Variants in RB1 observed in about 807,000 individuals in gnomAD.
RB1 encodes retinoblastoma-associated protein.
In RB1, 18 loss-of-function variants were observed where a neutral mutation model predicts 135.4. That is an observed-to-expected ratio of 0.13 (90% CI 0.09 to 0.20). RB1 has a LOEUF of 0.20. RB1 is among the 10% of genes least tolerant of loss of function. The pLI is 1.00. For synonymous variants in RB1, 365 were observed against 373.2 expected (o/e 0.98, Z 0.25); for missense variants, 868 against 1,110.0 (o/e 0.78, Z 3.10).
chr13:48,360,333 G>C (rs1952628038), intron 7 of RB1: 1 of 1,127,152 alleles, frequency 8.9e-7, no homozygotes, highest in Admixed American at 3.4e-5. Flanking sequence ...AGTGGTTTGG[G>C]TCAAAATACA....
At chr13:48,357,102 A>G (rs1300093044) in intron 6 of RB1, among the ~76,000 whole-genome samples, 1 of 151,200 alleles carries the variant, frequency 6.6e-6, no homozygotes, top group Non-Finnish European at 1.5e-5. Context: ...TTTTTTTTGA[A>G]CACCGTATCC....
chr13:48,440,064 A>G (rs191001276), intron 17 of RB1, among the ~76,000 whole-genome samples: 1 of 152,224 alleles, frequency 6.6e-6, no homozygotes, highest in Non-Finnish European at 1.5e-5. Flanking sequence ...TTACATTAGA[A>G]TCTGCTTAGG....
chr13:48,471,623 G>A (rs1949471273), intron 23 of RB1, among the ~76,000 whole-genome samples: 1 of 148,618 alleles, frequency 6.7e-6, no homozygotes, highest in Non-Finnish European at 1.5e-5. Flanking sequence ...TACAGATTTA[G>A]TTATCAGCTT....
In RB1 at chr13:48,307,573, G is replaced by A. The variant is rs184321221; in HGVS notation, c.264+167G>A. Among the ~76,000 whole-genome samples, 9 of 152,060 alleles carry A rather than the reference G, an allele frequency of 5.9e-5. No individual in the cohort carries two copies. In the East Asian group the frequency reaches 1.7e-3, roughly 29 times the overall value. On this transcript the variant is annotated intron_variant, in intron 2 of 26. Coordinates refer to ENST00000267163, the MANE Select transcript of RB1 (RefSeq NM_000321.3). ...CTCTGCTAACATTAAAAATGTTTGA[G>A]GCCGGGCACGGTGGTTCATGCCTGT... is the stretch of plus-strand genomic sequence containing the variant.
chr13:48,350,511 A>G (rs1180977474), intron 6 of RB1, among the ~76,000 whole-genome samples: 1 of 152,204 alleles, frequency 6.6e-6, no homozygotes, highest in African/African-American at 2.4e-5. Context: ...TATGGGATAC[A>G]GTAAAAGCAG....
chr13:48,375,974 G>A (rs1468041978), intron 12 of RB1, among the ~76,000 whole-genome samples: 1 of 151,876 alleles, frequency 6.6e-6, no homozygotes, highest in East Asian at 1.9e-4. Flanking sequence ...TGTAGCTGAT[G>A]AGAATCATGC....
chr13:48,375,576 T>A (rs1328297305), intron 12 of RB1, among the ~76,000 whole-genome samples: 1 of 149,784 alleles, frequency 6.7e-6, no homozygotes, highest in Non-Finnish European at 1.5e-5. Flanking sequence ...TTATTTTTAT[T>A]TATATATATA....
chr13:48,449,529 C>A (rs1000719177), intron 17 of RB1, among the ~76,000 whole-genome samples: 2 of 152,138 alleles, frequency 1.3e-5, no homozygotes, highest in Non-Finnish European at 2.9e-5. Context: ...ATTTGTGTAT[C>A]TGCCTTCCAA....
chr13:48,371,024 C>T (rs1952752665), intron 11 of RB1, among the ~76,000 whole-genome samples: 1 of 152,154 alleles, frequency 6.6e-6, no homozygotes, highest in Non-Finnish European at 1.5e-5. Context: ...TTCACAATAT[C>T]ACACAACACA....
intron 11 of RB1, among the ~76,000 whole-genome samples, chr13:48,370,610 A>G (rs1204970038): frequency 6.6e-6 from 1 of 152,210 alleles, no homozygotes; most frequent in Non-Finnish European, 1.5e-5. Context: ...GTAAAGATGC[A>G]TAGGATGAGG....
chr13:48,464,980 T>TTTTTTTTTC lies in RB1; in HGVS notation c.2212-16_2212-15insTTTTTTCTT. 6.7e-7 allele frequency: 1 copy of TTTTTTTTTC among 1,483,408 alleles called. No homozygotes were observed. The highest frequency in any genetic ancestry group is 9.0e-7 in the Non-Finnish European group (1 of 1,108,218). The allele number at this position is 1,483,408 out of a possible 1,614,324, so 91.9% of individuals were successfully genotyped here. On this transcript the variant is annotated splice_polypyrimidine_tract_variant and intron_variant, in intron 21 of 26. Transcript: ENST00000267163. ...TTACTTTTTTTTTTTTTTTTTTTTT[T>TTTTTTTTTC]TTACTGTTCTTCCTCAGACATTCAA... is the stretch of plus-strand genomic sequence containing the variant.
At chr13:48,434,939 T>C (rs902869015) in intron 17 of RB1, among the ~76,000 whole-genome samples, 1 of 152,244 alleles carries the variant, frequency 6.6e-6, no homozygotes, top group Non-Finnish European at 1.5e-5. Flanking sequence ...AGCATGAATG[T>C]ACTACAGTTT....
chr13:48,430,411 C>T (rs1949117004), intron 17 of RB1, among the ~76,000 whole-genome samples: 1 of 152,008 alleles, frequency 6.6e-6, no homozygotes, highest in Non-Finnish European at 1.5e-5. Context: ...AAAATGACTC[C>T]ATATAAGTTC....
At chr13:48,351,056 C>A (rs1952542590) in intron 6 of RB1, among the ~76,000 whole-genome samples, 1 of 152,166 alleles carries the variant, frequency 6.6e-6, no homozygotes, top group Non-Finnish European at 1.5e-5. Context: ...GTGCTTTTGT[C>A]TTTATGGTAG....
intron 2 of RB1, chr13:48,317,356 T>C (rs1566178252): frequency 1.0e-5 from 4 of 381,022 alleles, no homozygotes; most frequent in East Asian, 8.9e-5. Flanking sequence ...CCGCCTCCAC[T>C]CCGCATCTCT....
chr13:48,476,554 CT>C (rs1272441608), intron 24 of RB1, 146 bp from the exon 25 acceptor site: 2 of 776,164 alleles, frequency 2.6e-6, no homozygotes, highest in Non-Finnish European at 4.1e-6. Flanking sequence ...TTTTTCATAT[CT>C]TTTATTTGGT....
rs1258509639 is a variant in RB1, at chr13:48,342,331, C to T, written c.265-268C>T. Among the ~76,000 whole-genome samples the T allele has an allele frequency of 2.6e-5, 4 of 151,712 alleles. No individual in the cohort carries two copies. In the South Asian group the frequency reaches 8.3e-4, roughly 31 times the overall value. ...GAAACTATTTTGAGGAATTGACTGA[C>T]CCCTAAAGTTTCCACAATAACTTAT... is the stretch of plus-strand genomic sequence containing the variant. On this transcript the variant is annotated intron_variant, in intron 2 of 26. Transcript: ENST00000267163.
intron 17 of RB1, among the ~76,000 whole-genome samples, chr13:48,386,970 G>A (rs938867705): frequency 1.3e-5 from 2 of 152,036 alleles, no homozygotes; most frequent in South Asian, 2.1e-4. Context: ...TTCCAGTTCC[G>A]CCCTGCAACT....
At chr13:48,442,265 A>G (rs1949245125) in intron 17 of RB1, among the ~76,000 whole-genome samples, 1 of 151,612 alleles carries the variant, frequency 6.6e-6, no homozygotes, top group Non-Finnish European at 1.5e-5. Flanking sequence ...CAGTGGCACC[A>G]TCTCCACTCA....
Sources: allele counts gnomAD v4.1 joint callset (sites outside exome capture counted in the v4.1 genomes callset), GRCh38; gene constraint gnomAD v4.1.1; transcripts MANE v1.5; gene names NCBI Gene and HGNC (gene_info 2026-07-23, HGNC 2026-07-21).